PRDM16: variants seen among roughly 807,000 people sequenced by gnomAD.
PRDM16 encodes the protein histone-lysine N-methyltransferase PRDM16.
PRDM16 carries 23 observed loss-of-function variants against 110.6 expected under a neutral mutation model. That is an observed-to-expected ratio of 0.21 (90% CI 0.15 to 0.29). PRDM16 has a LOEUF of 0.29. PRDM16 is among the 10% of genes least tolerant of loss of function. The pLI, the probability that PRDM16 is intolerant of heterozygous loss-of-function variation, is 1.00. For missense variants in PRDM16, 1,615 were observed against 1,794.3 expected, an observed-to-expected ratio of 0.90 and a Z score of 1.81; for synonymous variants, 799 against 781.8, an observed-to-expected ratio of 1.02 and a Z score of -0.37.
At chr1:3,149,539 C>T (rs1462914694) in intron 1 of PRDM16, among the ~76,000 whole-genome samples, 2 of 152,218 alleles carry the variant, frequency 1.3e-5, no homozygotes, top group Non-Finnish European at 2.9e-5. Context: ...CAGACTCCGC[C>T]TGGGCCTCTG....
intron 1 of PRDM16, among the ~76,000 whole-genome samples, chr1:3,184,837 G>T (rs1057224241): frequency 6.6e-6 from 1 of 152,074 alleles, no homozygotes; most frequent in Admixed American, 6.5e-5. Flanking sequence ...ATGCCGAGTG[G>T]TGCATGTCGG....
intron 14 of PRDM16, among the ~76,000 whole-genome samples, chr1:3,430,092 CG>C (rs751386611): frequency 2.0e-5 from 3 of 152,164 alleles, no homozygotes; most frequent in Non-Finnish European, 2.9e-5. Flanking sequence ...AGCATGTGCC[CG>C]GGGGCCCTCA....
intron 8 of PRDM16, among the ~76,000 whole-genome samples, chr1:3,408,293 C>T (rs779397105): frequency 6.6e-6 from 1 of 152,182 alleles, no homozygotes; most frequent in Non-Finnish European, 1.5e-5. Context: ...GTCTTTCCCA[C>T]CAAGGCGCTC....
intron 12 of PRDM16, among the ~76,000 whole-genome samples, chr1:3,420,863 G>C (rs751357274): frequency 2.6e-5 from 4 of 152,280 alleles, no homozygotes; most frequent in Non-Finnish European, 5.9e-5. Flanking sequence ...CAGCCGGCCC[G>C]GGGGTCTCTC....
chr1:3,120,757 C>T (rs1355528546), intron 1 of PRDM16, among the ~76,000 whole-genome samples: 2 of 152,166 alleles, frequency 1.3e-5, no homozygotes, highest in Admixed American at 1.3e-4. Flanking sequence ...GGAGTGACCC[C>T]AGCCAGGCAG....
chr1:3,417,991 C>G lies in PRDM16; in HGVS notation c.2855C>G (p.Thr952Arg). ...PILRKGKERY[T>R]CRYCGKIFPR... is the part of the protein sequence containing the mutation. The stretch of plus-strand genomic sequence containing the variant: ...CTCAGGAAGGGCAAGGAGCGATACA[C>G]GTGCAGGTGAGGGGCCCTTTGGTGC... Residue 952 changes from threonine to arginine, a missense_variant, in exon 11 of 17, where the codon ACG (threonine) becomes AGG (arginine). Thr to Arg is a moderately conservative substitution (Grantham distance 71, BLOSUM62 -1). Transcript: ENST00000270722. 6.2e-7 allele frequency: 1 copy of G among 1,610,994 alleles called. No individual in the cohort carries two copies. Among genetic ancestry groups the G allele is most frequent in the Non-Finnish European group, 8.5e-7 (1 of 1,178,814 alleles).
rs1398593397 is a variant in PRDM16 at position 3,434,864 on chromosome 1, G to A, written c.*1053G>A. ...AGGCAGGGCCTTGGCCACGTCCTGG[G>A]TCTCCCACCTCCCACCTGACCCCAG... On this transcript the variant is annotated 3_prime_UTR_variant, in exon 17 of 17. Coordinates refer to ENST00000270722, the MANE Select transcript of PRDM16 (RefSeq NM_022114.4). 2 of 232,120 alleles carry A rather than the reference G, an allele frequency of 8.6e-6. No homozygotes were observed. The allele number at this position is 232,120 out of a possible 1,614,324, so 14.4% of individuals were successfully genotyped here. A position where few individuals can be genotyped will look rare whatever the true frequency, so the allele number is the denominator to read the frequency against.
Position 3,181,766 on chromosome 1 carries a change from ACAGTCTTACACATG to A in PRDM16, c.38-4332_38-4319del, listed in dbSNP as rs1389212530. On this transcript the variant is annotated intron_variant, in intron 1 of 16. Transcript: ENST00000270722. ...CGGAGTCTTACACACGGTCTTACAC[ACAGTCTTACACATG>A]CAGTCTTACACATGCAGTCTTACAC... Among the ~76,000 whole-genome samples, 357 of 135,950 alleles carry A rather than the reference ACAGTCTTACACATG, an allele frequency of 2.6e-3. 10 individuals carry two copies. The highest frequency in any genetic ancestry group is 4.9e-3 in the Admixed American group (64 of 13,156). 89.2% of individuals were successfully genotyped at this position (135,950 alleles called of 152,430 possible).
rs1181957092 is a variant in PRDM16 at position 3,069,555 on chromosome 1, C to T, written c.37+259C>T. On this transcript the variant is annotated intron_variant, in intron 1 of 16. Coordinates refer to ENST00000270722, the MANE Select transcript of PRDM16 (RefSeq NM_022114.4). The surrounding 1 kb of genome is among the most constrained non-coding windows in gnomAD (Gnocchi z 6.1). ...CCCGCGGAACCCCCTCCCCCCCCACCAGTGTCAGGCGCTCGGGCCCGGGAA... is the reference window on the plus strand; with the variant it reads ...CCCGCGGAACCCCCTCCCCCCCCACTAGTGTCAGGCGCTCGGGCCCGGGAA... Among the ~76,000 whole-genome samples the T allele has an allele frequency of 2.0e-5, 3 of 149,092 alleles. No individual in the cohort carries two copies. Among genetic ancestry groups the T allele is most frequent in the Non-Finnish European group, 3.0e-5 (2 of 66,370 alleles).
chr1:3,318,080 C>A (rs941569044), intron 3 of PRDM16, among the ~76,000 whole-genome samples: 1 of 152,146 alleles, frequency 6.6e-6, no homozygotes, highest in Non-Finnish European at 1.5e-5. Context: ...GCAAAGGGTT[C>A]GGGGTAATTG....
rs948099683 is a variant in PRDM16, at chr1:3,246,036, A to G, written c.438+1899A>G. On this transcript the variant is annotated intron_variant, in intron 3 of 16. Transcript: ENST00000270722. The surrounding 1 kb of genome is among the most constrained non-coding windows in gnomAD (Gnocchi z 5.2). Reference sequence around the variant, plus strand: ...TTGCTTGGTCTAGGAACAGGGGTCAAGTCAGAAGGTCAAAAGGTCAAGTCT... The same window carrying G: ...TTGCTTGGTCTAGGAACAGGGGTCAGGTCAGAAGGTCAAAAGGTCAAGTCT... Among the ~76,000 whole-genome samples the G allele has an allele frequency of 5.9e-5, 9 of 152,166 alleles. No individual in the cohort carries two copies. The highest frequency in any genetic ancestry group is 2.2e-4 in the African/African-American group (9 of 41,440).
At chr1:3,154,657 G>A (rs1439680894) in intron 1 of PRDM16, among the ~76,000 whole-genome samples, 1 of 152,086 alleles carries the variant, frequency 6.6e-6, no homozygotes, top group African/African-American at 2.4e-5. Flanking sequence ...CAGTCGGCCG[G>A]GCATCCTGCA....
intron 3 of PRDM16, among the ~76,000 whole-genome samples, chr1:3,256,937 A>G (rs1640062894): frequency 6.6e-6 from 1 of 152,280 alleles, no homozygotes; most frequent in Non-Finnish European, 1.5e-5. Context: ...ACACATGCAC[A>G]TGCATAAGGA....
intron 3 of PRDM16, among the ~76,000 whole-genome samples, chr1:3,296,934 C>T (rs1485522351): frequency 6.6e-6 from 1 of 152,212 alleles, no homozygotes; most frequent in Non-Finnish European, 1.5e-5. Flanking sequence ...CGCTCAGACA[C>T]TCATATCAGC....
At chr1:3,111,078 C>G (rs1642780838) in intron 1 of PRDM16, among the ~76,000 whole-genome samples, 1 of 152,232 alleles carries the variant, frequency 6.6e-6, no homozygotes, top group African/African-American at 2.4e-5. Context: ...GATGGGGAAG[C>G]TGGAGGTGGG....
rs568606539 is a variant in PRDM16, at chr1:3,291,025, G to A, written c.438+46888G>A. On this transcript the variant is annotated intron_variant, in intron 3 of 16. Coordinates refer to ENST00000270722, the MANE Select transcript of PRDM16 (RefSeq NM_022114.4). Reference sequence around the variant, plus strand: ...CCTGGGAGAGGCCATCCTTGTCTCCGGCTTGGAGGAGAGATGCAGGAGGAT... The same window carrying A: ...CCTGGGAGAGGCCATCCTTGTCTCCAGCTTGGAGGAGAGATGCAGGAGGAT... 4.6e-5 allele frequency among the ~76,000 whole-genome samples: 7 copies of A among 151,942 alleles called. No individual in the cohort carries two copies. In the East Asian group the frequency reaches 9.8e-4, roughly 21 times the overall value.
intron 2 of PRDM16, among the ~76,000 whole-genome samples, chr1:3,195,705 C>A (rs1638456764): frequency 6.6e-6 from 1 of 152,068 alleles, no homozygotes; most frequent in Admixed American, 6.5e-5. Flanking sequence ...CAGGGTTTTG[C>A]CAGAAGCAGG....
intron 9 of PRDM16, 55 bp from the exon 10 acceptor site, chr1:3,414,505 G>C: frequency 1.4e-6 from 2 of 1,416,470 alleles, no homozygotes; most frequent in Non-Finnish European, 2.0e-6. Context: ...GGAGCGGGTG[G>C]CTCGGCGGGG....
chr1:3,076,988 G>T (rs1291692029), intron 1 of PRDM16, among the ~76,000 whole-genome samples: 2 of 152,160 alleles, frequency 1.3e-5, no homozygotes, highest in Admixed American at 6.5e-5. Context: ...GGGCTGGTCT[G>T]CATCTTGGCT....
Sources: allele counts gnomAD v4.1 joint callset (sites outside exome capture counted in the v4.1 genomes callset), GRCh38; gene constraint gnomAD v4.1.1; non-coding constraint Gnocchi (gnomAD v3.1); transcripts MANE v1.5; gene names NCBI Gene and HGNC (gene_info 2026-07-23, HGNC 2026-07-21).